THRB: variants seen among roughly 807,000 people sequenced by gnomAD.
THRB encodes thyroid hormone receptor beta.
A neutral mutation model predicts 47.8 loss-of-function variants in THRB; 12 were observed. That is an observed-to-expected ratio of 0.25 (90% CI 0.16 to 0.41). The LOEUF is 0.41. Ranked by LOEUF, THRB falls within the 10% of genes least tolerant of loss-of-function variation. THRB has a pLI of 1.00. For synonymous variants in THRB, 218 were observed against 212.2 expected, an observed-to-expected ratio of 1.03 and a Z score of -0.24; for missense variants, 348 against 589.2, an observed-to-expected ratio of 0.59 and a Z score of 4.24.
chr3:24,140,815 T>C (rs2035346288), intron 8 of THRB, among the ~76,000 whole-genome samples: 1 of 152,188 alleles, frequency 6.6e-6, no homozygotes, highest in South Asian at 2.1e-4. Flanking sequence ...AGATGAGAAA[T>C]AATTTGATGG....
intron 1 of THRB, among the ~76,000 whole-genome samples, chr3:24,466,139 T>C (rs1184982620): frequency 6.6e-6 from 1 of 152,230 alleles, no homozygotes; most frequent in Non-Finnish European, 1.5e-5. Context: ...CCTTCTGAAT[T>C]AGTTTGTAAA....
At chr3:24,265,883 C>A (rs944740051) in intron 3 of THRB, among the ~76,000 whole-genome samples, 4 of 151,958 alleles carry the variant, frequency 2.6e-5, no homozygotes, top group Non-Finnish European at 5.9e-5. Flanking sequence ...GAAGTTTGAA[C>A]CCAATTTTTA....
chr3:24,148,350 C>A (rs905596256), intron 6 of THRB, among the ~76,000 whole-genome samples: 1 of 152,210 alleles, frequency 6.6e-6, no homozygotes, highest in African/African-American at 2.4e-5. Flanking sequence ...TGGTCTCGAA[C>A]TCCTGGCCTT....
At chr3:24,309,762 C>T (rs773740894) in intron 2 of THRB, among the ~76,000 whole-genome samples, 1 of 152,132 alleles carries the variant, frequency 6.6e-6, no homozygotes, top group African/African-American at 2.4e-5. Context: ...AAGGAAGACA[C>T]TGACATTACT....
chr3:24,488,409 T>C (rs1286558289), intron 1 of THRB, among the ~76,000 whole-genome samples: 1 of 152,160 alleles, frequency 6.6e-6, no homozygotes, highest in Non-Finnish European at 1.5e-5. Context: ...GCATATGATA[T>C]GAAATAAACT....
chr3:24,452,329 G>A (rs1233706763), intron 1 of THRB, among the ~76,000 whole-genome samples: 1 of 152,106 alleles, frequency 6.6e-6, no homozygotes, highest in African/African-American at 2.4e-5. Flanking sequence ...TGCCCAAGGT[G>A]CGTGCCTAAC....
At chr3:24,423,071 A>G (rs2069421657) in intron 1 of THRB, among the ~76,000 whole-genome samples, 1 of 151,844 alleles carries the variant, frequency 6.6e-6, no homozygotes, top group African/African-American at 2.4e-5. Context: ...AGTGGGCCAC[A>G]TGAGAAGCAC....
intron 2 of THRB, among the ~76,000 whole-genome samples, chr3:24,318,683 G>A (rs2058285281): frequency 6.6e-6 from 1 of 152,154 alleles, no homozygotes; most frequent in Admixed American, 6.5e-5. Flanking sequence ...ATGCTCACTG[G>A]ATATTATTGA....
chr3:24,292,321 A>C (rs191264579), intron 3 of THRB, among the ~76,000 whole-genome samples: 3 of 152,322 alleles, frequency 2.0e-5, no homozygotes, highest in African/African-American at 7.2e-5. Context: ...TTTTTACCAT[A>C]AACATGGATT....
intron 1 of THRB, among the ~76,000 whole-genome samples, chr3:24,338,597 T>C (rs2062422218): frequency 1.3e-5 from 2 of 152,206 alleles, no homozygotes; most frequent in African/African-American, 4.8e-5. Flanking sequence ...GCCCTTGTTA[T>C]ATCATTAAAG....
chr3:24,316,376 C>T (rs2058112976), intron 2 of THRB, among the ~76,000 whole-genome samples: 1 of 151,814 alleles, frequency 6.6e-6, no homozygotes, highest in Non-Finnish European at 1.5e-5. Flanking sequence ...CCTTTCCTTC[C>T]TTTTTTCTCT....
In THRB at chr3:24,118,877, A is replaced by G. The variant is rs1452583436; in HGVS notation, c.*4007T>C. ...TTGAAGGCGGCATTAATTAATGTGG[A>G]AACACACTATAAATGCACACTTTTC... On this transcript the variant is annotated 3_prime_UTR_variant, in exon 11 of 11. Transcript: ENST00000646209. The G allele has an allele frequency of 6.6e-6, 1 of 152,498 alleles. No individual in the cohort carries two copies. Among genetic ancestry groups the G allele is most frequent in the Non-Finnish European group, 1.5e-5 (1 of 68,010 alleles). The allele number at this position is 152,498 out of a possible 1,614,324, so 9.4% of individuals were successfully genotyped here.
At chr3:24,369,297 T>C (rs1016488704) in intron 1 of THRB, among the ~76,000 whole-genome samples, 3 of 152,154 alleles carry the variant, frequency 2.0e-5, no homozygotes, top group African/African-American at 7.2e-5. Context: ...TTGAATTCAG[T>C]TATCACAACT....
chr3:24,189,790 C>A (rs986645241), intron 5 of THRB, among the ~76,000 whole-genome samples: 2 of 152,110 alleles, frequency 1.3e-5, no homozygotes, highest in Non-Finnish European at 2.9e-5. Context: ...GGAATTAAAG[C>A]CAAAACTTAC....
intron 1 of THRB, among the ~76,000 whole-genome samples, chr3:24,451,662 T>A (rs552323780): frequency 2.0e-5 from 3 of 152,322 alleles, no homozygotes; most frequent in African/African-American, 7.2e-5. Flanking sequence ...CAGCTCCTTA[T>A]AAAGCAAATA....
intron 1 of THRB, among the ~76,000 whole-genome samples, chr3:24,392,547 T>G (rs1560088083): frequency 6.6e-6 from 1 of 152,132 alleles, no homozygotes; most frequent in Admixed American, 6.6e-5. Context: ...CTAAAAAATT[T>G]AAAGTTATAT....
chr3:24,407,714 T>A (rs1006170432), intron 1 of THRB, among the ~76,000 whole-genome samples: 3 of 151,888 alleles, frequency 2.0e-5, no homozygotes, highest in African/African-American at 7.2e-5. Context: ...ATGTGCCATT[T>A]TGTCTCTTTG....
chr3:24,292,328 G>A (rs1055125730), intron 3 of THRB, among the ~76,000 whole-genome samples: 8 of 152,112 alleles, frequency 5.3e-5, no homozygotes, highest in African/African-American at 1.9e-4. Context: ...CATAAACATG[G>A]ATTGCTTTTA....
chr3:24,229,921 T>C (rs1409351212), intron 3 of THRB, among the ~76,000 whole-genome samples: 1 of 152,148 alleles, frequency 6.6e-6, no homozygotes, highest in Non-Finnish European at 1.5e-5. Context: ...GAGGAAGTAA[T>C]TTCAAAGCAC....
Sources: gnomAD v4.1 joint callset for allele counts (sites outside exome capture counted in the v4.1 genomes callset) on GRCh38, gnomAD v4.1.1 for gene constraint, MANE v1.5 for transcripts, NCBI Gene and HGNC (gene_info 2026-07-23, HGNC 2026-07-21) for gene names.